Variants in DNAH6 observed in about 807,000 individuals in gnomAD.
DNAH6 encodes the protein axonemal beta dynein heavy chain 6.
Under a neutral mutation model 491.4 loss-of-function variants are expected in DNAH6, and 340 were observed. The observed-to-expected ratio is 0.69, with a 90% CI of 0.63 to 0.76. The LOEUF (loss-of-function observed/expected upper bound fraction) is 0.76, where lower values mean the gene tolerates loss of function less well. Ranked by LOEUF, DNAH6 falls within the 30% of genes least tolerant of loss-of-function variation. The pLI is 0.00. For synonymous variants in DNAH6, 1,603 were observed against 1,686.1 expected (o/e 0.95, Z 1.21); for missense variants, 4,443 against 4,972.2 (o/e 0.89, Z 3.20).
chr2:84,615,130 G>A (rs1372027832), intron 22 of DNAH6, among the ~76,000 whole-genome samples: 2 of 152,046 alleles, frequency 1.3e-5, no homozygotes, highest in Non-Finnish European at 2.9e-5. Context: ...ATGTCAAGAG[G>A]TGTTTTTCCA....
chr2:84,561,103 A>G (rs1680622797), intron 11 of DNAH6, among the ~76,000 whole-genome samples: 1 of 152,058 alleles, frequency 6.6e-6, no homozygotes, highest in South Asian at 2.1e-4. Context: ...CTATTTCTCC[A>G]CATCCTCTCC....
In DNAH6 at chr2:84,707,690, G is replaced by T. The variant is rs1696611786; in HGVS notation, c.9022G>T (p.Ala3008Ser). The change falls in exon 54 of 77, where the codon GCT becomes TCT. Residue 3008 changes from alanine (A) to serine (S), a missense_variant. Ala to Ser is a moderately conservative substitution (Grantham distance 99). This residue lies in a region of DNAH6 where 1,463 missense variants were observed against 1,656.6 expected (regional missense o/e 0.88). Coordinates refer to ENST00000389394, the MANE Select transcript of DNAH6 (RefSeq NM_001370.2). ...IAAACVAYYG[A>S]FTAQYRQSLI... ...AGCAGCTTGTGTGGCCTACTATGGGGCTTTCACAGCCCAGTACAGGCAGTC... is the reference window on the plus strand; with the variant it reads ...AGCAGCTTGTGTGGCCTACTATGGGTCTTTCACAGCCCAGTACAGGCAGTC... The T allele has an allele frequency of 6.4e-7, 1 of 1,552,264 alleles. No homozygotes were observed. Among genetic ancestry groups the T allele is most frequent in the Non-Finnish European group, 8.7e-7 (1 of 1,147,108 alleles).
chr2:84,733,639 T>C (rs1274246710), intron 62 of DNAH6, 60 bp downstream of exon 62: 11 of 1,433,266 alleles, frequency 7.7e-6, no homozygotes, highest in Middle Eastern at 1.8e-4. Context: ...AATCCTAATC[T>C]TAATGTTTTC....
intron 76 of DNAH6, among the ~76,000 whole-genome samples, chr2:84,818,318 G>A (rs1048531903): frequency 6.6e-6 from 1 of 151,278 alleles, no homozygotes; most frequent in Non-Finnish European, 1.5e-5. Context: ...ACGAGACCCC[G>A]TCTCTACAAA....
chr2:84,800,501 A>G (rs1463217048), intron 70 of DNAH6, among the ~76,000 whole-genome samples: 1 of 152,226 alleles, frequency 6.6e-6, no homozygotes, highest in Non-Finnish European at 1.5e-5. Context: ...ATCCAATGCA[A>G]AGAAGCCAGA....
chr2:84,686,548 T>C lies in DNAH6; in HGVS notation c.7128T>C (p.Asp2376=). The change falls in exon 44 of 77, where the codon GAT becomes GAC. Residue 2376 remains aspartate (D), a synonymous_variant. Coordinates refer to ENST00000389394, the MANE Select transcript of DNAH6 (RefSeq NM_001370.2). ...YFLNKPIIFG[D]FIKFGADKAD... Reference sequence around the variant, plus strand: ...TGAATAAGCCCATCATATTTGGAGATTTCATTAAGGCAAGTATGTTAGATT... The same window carrying C: ...TGAATAAGCCCATCATATTTGGAGACTTCATTAAGGCAAGTATGTTAGATT... The C allele has an allele frequency of 2.6e-6, 4 of 1,515,756 alleles. No homozygotes were observed. Among genetic ancestry groups the C allele is most frequent in the Non-Finnish European group, 2.7e-6 (3 of 1,117,158 alleles). The allele number at this position is 1,515,756 out of a possible 1,614,324, so 93.9% of individuals were successfully genotyped here.
chr2:84,692,417 GTAGA>G (rs3029918), intron 45 of DNAH6, among the ~76,000 whole-genome samples: 20,965 of 144,650 alleles, frequency 0.14, 1,620 homozygotes, highest in Middle Eastern at 0.2. Flanking sequence ...TATAAATAAG[GTAGA>G]TAGATAGATA....
chr2:84,749,306 G>A (rs1673248544), intron 63 of DNAH6, among the ~76,000 whole-genome samples: 5 of 152,172 alleles, frequency 3.3e-5, no homozygotes, highest in Admixed American at 1.3e-4. Context: ...ATAGGAAAAA[G>A]AAGAGATATA....
rs1684354163 is a variant in DNAH6 at position 84,594,101 on chromosome 2, C to T, written c.2724+16C>T. 1 of 1,307,646 alleles carries T rather than the reference C, an allele frequency of 7.6e-7. No homozygotes were observed. Among genetic ancestry groups the T allele is most frequent in the Non-Finnish European group, 1.1e-6 (1 of 938,966 alleles). The allele number at this position is 1,307,646 out of a possible 1,614,324, so 81.0% of individuals were successfully genotyped here. A position where few individuals can be genotyped will look rare whatever the true frequency, so the allele number is the denominator to read the frequency against. On this transcript the variant is annotated intron_variant, in intron 17 of 76. Transcript: ENST00000389394. ...ATGGTTAAAGGTAGGGGAAAAAAGCCTTCAGTTCTCAAATTATTTTTGTAT... is the reference window on the plus strand; with the variant it reads ...ATGGTTAAAGGTAGGGGAAAAAAGCTTTCAGTTCTCAAATTATTTTTGTAT...
intron 58 of DNAH6, among the ~76,000 whole-genome samples, chr2:84,716,902 C>T (rs1470028780): frequency 1.3e-5 from 2 of 152,156 alleles, no homozygotes; most frequent in Non-Finnish European, 2.9e-5. Flanking sequence ...TTCTGACAGG[C>T]CGTCACCTAT....
rs1676746165 is a variant in DNAH6, at chr2:84,527,816, AGTT to A, written c.400-1084_400-1082del. Among the ~76,000 whole-genome samples the A allele has an allele frequency of 2.0e-5, 3 of 152,324 alleles. No individual in the cohort carries two copies. The South Asian group carries it at 6.2e-4, about 32-fold the overall frequency. On this transcript the variant is annotated intron_variant, in intron 3 of 76. Coordinates refer to ENST00000389394, the MANE Select transcript of DNAH6 (RefSeq NM_001370.2). ...CCTGTGAGTACAAATTTTCTGGAGAAGTTGTTCCACAGAGCTTGTAGTAATACA... is the reference window on the plus strand; with the variant it reads ...CCTGTGAGTACAAATTTTCTGGAGAAGTTCCACAGAGCTTGTAGTAATACA...
chr2:84,678,607 G>A (rs1355953969), intron 41 of DNAH6, among the ~76,000 whole-genome samples: 1 of 152,108 alleles, frequency 6.6e-6, no homozygotes, highest in African/African-American at 2.4e-5. Context: ...TGGGTGGGAA[G>A]AATACAGTGA....
At chr2:84,532,268 G>C (rs1376283447) in intron 4 of DNAH6, among the ~76,000 whole-genome samples, 1 of 152,174 alleles carries the variant, frequency 6.6e-6, no homozygotes, top group Non-Finnish European at 1.5e-5. Flanking sequence ...ACTCACAGAA[G>C]TGACGCTTAA....
the DNAH6 span, among the ~76,000 whole-genome samples, chr2:84,462,027 G>C: frequency 6.6e-6 from 1 of 152,216 alleles, no homozygotes; most frequent in Admixed American, 6.5e-5. Context: ...GAAAAGTCCA[G>C]CTGGGAACTG....
At chr2:84,567,828 A>C (rs1384854293) in intron 11 of DNAH6, among the ~76,000 whole-genome samples, 2 of 152,202 alleles carry the variant, frequency 1.3e-5, no homozygotes, top group Non-Finnish European at 2.9e-5. Flanking sequence ...GCTTCTGCAC[A>C]ACAAAAGAAA....
At chr2:84,685,628 G>A (rs1694188532) in intron 43 of DNAH6, among the ~76,000 whole-genome samples, 156 bp downstream of exon 43, 1 of 151,720 alleles carries the variant, frequency 6.6e-6, no homozygotes, top group Non-Finnish European at 1.5e-5. Flanking sequence ...TATGAAATAT[G>A]CAATATTATA....
intron 37 of DNAH6, among the ~76,000 whole-genome samples, chr2:84,662,103 T>G (rs916886897): frequency 6.6e-6 from 1 of 151,976 alleles, no homozygotes. Context: ...TGTTATACCT[T>G]GAGGTTTAAA....
At chr2:84,505,651 T>A in the DNAH6 span, among the ~76,000 whole-genome samples, 2 of 152,212 alleles carry the variant, frequency 1.3e-5, no homozygotes, top group Non-Finnish European at 2.9e-5. Flanking sequence ...GTTGGTGTGC[T>A]GCACCATTAA....
chr2:84,540,666 CA>C, intron 4 of DNAH6, among the ~76,000 whole-genome samples: 1 of 152,172 alleles, frequency 6.6e-6, no homozygotes, highest in South Asian at 2.1e-4. Flanking sequence ...ACAAGGGCCC[CA>C]AAATTCTCTC....
Sources: gnomAD v4.1 joint callset for allele counts (sites outside exome capture counted in the v4.1 genomes callset) on GRCh38, gnomAD v4.1.1 for gene constraint, gnomAD v4.1.1 regional missense constraint, MANE v1.5 for transcripts, NCBI Gene and HGNC (gene_info 2026-07-23, HGNC 2026-07-21) for gene names.